BMERB1: variants seen among roughly 807,000 people sequenced by gnomAD.
BMERB1 encodes the protein bMERB domain-containing protein 1.
In BMERB1, 12 loss-of-function variants were observed where a neutral mutation model predicts 23.6. The ratio of observed to expected loss-of-function variants is 0.51; its 90% CI spans 0.33 to 0.82. BMERB1 has a LOEUF of 0.82. BMERB1 is among the 40% of genes least tolerant of loss of function. The pLI, the probability that BMERB1 is intolerant of heterozygous loss-of-function variation, is 0.03. For synonymous variants in BMERB1, 122 were observed against 96.6 expected (o/e 1.26, Z -1.54); for missense variants, 247 against 255.4 (o/e 0.97, Z 0.22).
chr16:15,518,705 TTGCCTGA>T (rs1417877015), intron 2 of BMERB1, among the ~76,000 whole-genome samples: 1 of 152,000 alleles, frequency 6.6e-6, no homozygotes, highest in East Asian at 1.9e-4. Context: ...GTTACAAAAT[TTGCCTGA>T]TGCTGCATTA....
intron 1 of BMERB1, among the ~76,000 whole-genome samples, chr16:15,470,628 C>A (rs1270106729): frequency 2.0e-5 from 3 of 151,102 alleles, no homozygotes; most frequent in Non-Finnish European, 4.4e-5. Context: ...CAGGTTCAAG[C>A]GATTCCCCTG....
chr16:15,514,872 AG>A (rs1316282676), intron 1 of BMERB1, among the ~76,000 whole-genome samples: 2 of 152,126 alleles, frequency 1.3e-5, no homozygotes, highest in African/African-American at 4.8e-5. Flanking sequence ...CAAGGTCAGG[AG>A]ATCGAGACCA....
At chr16:15,528,621 C>G (rs1454723770) in intron 2 of BMERB1, among the ~76,000 whole-genome samples, 1 of 151,892 alleles carries the variant, frequency 6.6e-6, no homozygotes, top group Admixed American at 6.6e-5. Context: ...CTCCCCACCC[C>G]CCGATACACA....
At chr16:15,544,629 A>T (rs537216469) in intron 2 of BMERB1, among the ~76,000 whole-genome samples, 1 of 152,238 alleles carries the variant, frequency 6.6e-6, no homozygotes, top group Non-Finnish European at 1.5e-5. Context: ...TGTTGAATGT[A>T]AACAATTTTG....
At chr16:15,524,618 A>C (rs1423795274) in intron 2 of BMERB1, among the ~76,000 whole-genome samples, 1 of 152,080 alleles carries the variant, frequency 6.6e-6, no homozygotes, top group Non-Finnish European at 1.5e-5. Flanking sequence ...AAATACAAAA[A>C]AATTAGCTAG....
chr16:15,525,598 G>A (rs774449522), intron 2 of BMERB1, among the ~76,000 whole-genome samples: 9 of 151,712 alleles, frequency 5.9e-5, no homozygotes, highest in Non-Finnish European at 8.8e-5. Flanking sequence ...CCAGCTACTC[G>A]GAAAGTCGAG....
chr16:15,508,374 CTG>C (rs1271487648), intron 1 of BMERB1, among the ~76,000 whole-genome samples: 9 of 152,130 alleles, frequency 5.9e-5, no homozygotes, highest in Admixed American at 1.3e-4. Context: ...CAGGGAGTCT[CTG>C]TGGCAACTAC....
chr16:15,587,471 A>C lies in BMERB1; in HGVS notation c.*642A>C, dbSNP rs1391756932. On this transcript the variant is annotated 3_prime_UTR_variant, in exon 6 of 6. Coordinates refer to ENST00000300006, the MANE Select transcript of BMERB1 (RefSeq NM_033201.3). ...CCTGTGTCTGGGCACAGTTCACATC[A>C]GGACAGCGTCCATTGTGCTCTCAGT... 1 of 404,034 alleles carries C rather than the reference A, an allele frequency of 2.5e-6. No homozygotes were observed. The allele number at this position is 404,034 out of a possible 1,614,324, so 25.0% of individuals were successfully genotyped here.
At chr16:15,447,724 A>G (rs1326811693) in intron 1 of BMERB1, among the ~76,000 whole-genome samples, 1 of 152,078 alleles carries the variant, frequency 6.6e-6, no homozygotes, top group Admixed American at 6.6e-5. Flanking sequence ...GGAGGTGACG[A>G]TGAGCGTGGA....
At chr16:15,510,709 CT>C (rs896717340) in intron 1 of BMERB1, among the ~76,000 whole-genome samples, 118 of 146,242 alleles carry the variant, frequency 8.1e-4, no homozygotes, top group Middle Eastern at 3.5e-3. Flanking sequence ...TATTAATTAT[CT>C]TTTTTTTTTT....
intron 1 of BMERB1, among the ~76,000 whole-genome samples, chr16:15,488,087 C>T (rs892582201): frequency 6.6e-6 from 1 of 152,088 alleles, no homozygotes; most frequent in Non-Finnish European, 1.5e-5. Context: ...TTTACCCAGC[C>T]CCTATTCAAG....
intron 1 of BMERB1, among the ~76,000 whole-genome samples, chr16:15,497,641 A>G (rs1026798321): frequency 3.9e-5 from 6 of 152,196 alleles, no homozygotes; most frequent in African/African-American, 1.4e-4. Flanking sequence ...TGTAACTGAG[A>G]CACAGATTGG....
At chr16:15,564,061 A>G (rs1398069422) in intron 2 of BMERB1, among the ~76,000 whole-genome samples, 1 of 152,204 alleles carries the variant, frequency 6.6e-6, no homozygotes, top group Admixed American at 6.5e-5. Flanking sequence ...TGACTTCTGC[A>G]CACATGAGCT....
At position 15,494,762 on chromosome 16, in the gene BMERB1, A is replaced by G. The variant is rs943615884; in HGVS notation, c.107-20543A>G. 3.3e-5 allele frequency among the ~76,000 whole-genome samples: 5 copies of G among 152,314 alleles called. No individual in the cohort carries two copies. The East Asian group carries it at 9.6e-4, about 29-fold the overall frequency. On this transcript the variant is annotated intron_variant, in intron 1 of 5. Coordinates refer to ENST00000300006, the MANE Select transcript of BMERB1 (RefSeq NM_033201.3). ...CGCATAAACTGATTTGAAAGCAACA[A>G]AGAATTTGTTTATTACTACCTCTCC... is the stretch of plus-strand genomic sequence containing the variant.
intron 1 of BMERB1, among the ~76,000 whole-genome samples, chr16:15,505,214 C>G (rs1170024737): frequency 6.6e-6 from 1 of 152,202 alleles, no homozygotes; most frequent in African/African-American, 2.4e-5. Flanking sequence ...GACTGGAATT[C>G]TATTCTACAA....
At chr16:15,520,640 C>A (rs962873843) in intron 2 of BMERB1, among the ~76,000 whole-genome samples, 1 of 152,006 alleles carries the variant, frequency 6.6e-6, no homozygotes, top group African/African-American at 2.4e-5. Flanking sequence ...CCCGCCACCA[C>A]GCCTGGCTAA....
rs140722810 is a variant in BMERB1, at chr16:15,571,556, G to A, written c.304+3500G>A. ...TTTTTAGTAGAGGTGGGGTTTCACC[G>A]TGTTAGCCAGGATGGTCTCGATCTC... On this transcript the variant is annotated intron_variant, in intron 3 of 5. Coordinates refer to ENST00000300006, the MANE Select transcript of BMERB1 (RefSeq NM_033201.3). Among the ~76,000 whole-genome samples the A allele has an allele frequency of 5.4e-3, 819 of 152,022 alleles. 8 individuals carry two copies. Among genetic ancestry groups the A allele is most frequent in the African/African-American group, 0.019 (787 of 41,458 alleles).
intron 1 of BMERB1, among the ~76,000 whole-genome samples, chr16:15,506,304 T>C (rs1436726256): frequency 1.3e-5 from 2 of 151,946 alleles, no homozygotes; most frequent in East Asian, 3.9e-4. Context: ...GCCTCCCAAG[T>C]AGCTGGGACT....
chr16:15,570,509 C>T (rs138530990), intron 3 of BMERB1, among the ~76,000 whole-genome samples: 1 of 152,232 alleles, frequency 6.6e-6, no homozygotes, highest in Non-Finnish European at 1.5e-5. Context: ...TCCCTGGCCT[C>T]TACCCACTAC....
Sources: gnomAD v4.1 joint callset for allele counts (sites outside exome capture counted in the v4.1 genomes callset) on GRCh38, gnomAD v4.1.1 for gene constraint, MANE v1.5 for transcripts, NCBI Gene and HGNC (gene_info 2026-07-23, HGNC 2026-07-21) for gene names.